Variants in TIAM2 observed in about 807,000 individuals in gnomAD.
TIAM2 encodes the protein TIAM Rac1 associated GEF 2.
Under a neutral mutation model 152.9 loss-of-function variants are expected in TIAM2, and 80 were observed. The observed-to-expected ratio is 0.52, with a 90% CI of 0.44 to 0.63. The LOEUF is 0.63. Among genes scored for constraint, TIAM2 ranks in the 30% least tolerant of loss-of-function variants. TIAM2 has a pLI of 0.00. For missense variants in TIAM2, 1,965 were observed against 2,120.1 expected (o/e 0.93, Z 1.44); for synonymous variants, 804 against 838.0 (o/e 0.96, Z 0.70).
chr6:155,091,513 T>C (rs1187769102), intron 2 of TIAM2, among the ~76,000 whole-genome samples: 5 of 152,238 alleles, frequency 3.3e-5, no homozygotes, highest in African/African-American at 1.2e-4. Flanking sequence ...TTAAAAGGTT[T>C]GTCTGTTTAA....
intron 2 of TIAM2, among the ~76,000 whole-genome samples, chr6:155,125,702 A>T (rs1779276908): frequency 6.6e-6 from 1 of 151,832 alleles, no homozygotes; most frequent in Admixed American, 6.6e-5. Flanking sequence ...ATCTGGTGCA[A>T]TGGTGCGCGC....
intron 14 of TIAM2, among the ~76,000 whole-genome samples, chr6:155,197,026 G>T (rs1781361819): frequency 6.6e-6 from 1 of 152,200 alleles, no homozygotes; most frequent in South Asian, 2.1e-4. Context: ...AAATTATTGT[G>T]TATCTTCTGT....
intron 1 of TIAM2, among the ~76,000 whole-genome samples, chr6:155,067,267 G>A (rs1159486262): frequency 6.6e-6 from 1 of 152,056 alleles, no homozygotes; most frequent in Non-Finnish European, 1.5e-5. Flanking sequence ...TTTTGTGACT[G>A]TCCCTCCTAC....
At chr6:155,039,983 A>G (rs1199418801) in intron 1 of TIAM2, among the ~76,000 whole-genome samples, 1 of 152,224 alleles carries the variant, frequency 6.6e-6, no homozygotes, top group Non-Finnish European at 1.5e-5. Flanking sequence ...TCCAAACTTC[A>G]ATTTGGCAAT....
chr6:155,111,815 CTG>C (rs1778858059), intron 2 of TIAM2, among the ~76,000 whole-genome samples: 1 of 152,266 alleles, frequency 6.6e-6, no homozygotes, highest in Non-Finnish European at 1.5e-5. Context: ...TTTGATCCCT[CTG>C]TCCTTCCCGC....
At chr6:155,254,740 T>C in intron 26 of TIAM2, 167 bp downstream of exon 26, 1 of 802,656 alleles carries the variant, frequency 1.2e-6, no homozygotes. Flanking sequence ...GACGTTCTAC[T>C]GTAAAATACA....
intron 6 of TIAM2, 27 bp downstream of exon 6, chr6:155,144,805 G>T: frequency 3.1e-6 from 5 of 1,588,662 alleles, no homozygotes; most frequent in Non-Finnish European, 3.4e-6. Context: ...GTAAGTGGAG[G>T]TAATAGCTTA....
At chr6:155,143,665 A>G (rs889836018) in intron 5 of TIAM2, among the ~76,000 whole-genome samples, 2 of 152,022 alleles carry the variant, frequency 1.3e-5, no homozygotes, top group African/African-American at 4.8e-5. Context: ...TGAGTGTGGG[A>G]TTTTCTGTGG....
At chr6:155,087,285 G>A (rs1367657322) in intron 1 of TIAM2, among the ~76,000 whole-genome samples, 1 of 152,098 alleles carries the variant, frequency 6.6e-6, no homozygotes, top group Non-Finnish European at 1.5e-5. Context: ...TATTATCATT[G>A]GAAACATTAA....
At position 155,109,761 on chromosome 6, in the gene TIAM2, C is replaced by T. The variant is rs372558045; in HGVS notation, c.-117-17729C>T. Among the ~76,000 whole-genome samples, 85 of 152,128 alleles carry T rather than the reference C, an allele frequency of 5.6e-4. 2 individuals carry two copies. The highest frequency in any genetic ancestry group is 1.9e-3 in the African/African-American group (79 of 41,504). On this transcript the variant is annotated intron_variant, in intron 2 of 26. Coordinates refer to ENST00000682666, the MANE Select transcript of TIAM2 (RefSeq NM_012454.4). ...AACCACAGAACTGAAGCGACTTGTC[C>T]GAAGCCACAGAGATGGTTAGTTACC...
intron 6 of TIAM2, among the ~76,000 whole-genome samples, chr6:155,145,322 A>G (rs750242465): frequency 5.9e-5 from 9 of 152,184 alleles, no homozygotes; most frequent in Non-Finnish European, 1.3e-4. Context: ...GAGATGTTGT[A>G]GAACATGGCG....
chr6:155,110,966 A>T (rs918999440), intron 2 of TIAM2, among the ~76,000 whole-genome samples: 1 of 152,132 alleles, frequency 6.6e-6, no homozygotes, highest in Non-Finnish European at 1.5e-5. Flanking sequence ...CTTGACCCTG[A>T]CCCATCTCTA....
At position 155,188,973 on chromosome 6, in the gene TIAM2, T is replaced by C. The variant is rs181940708; in HGVS notation, c.3064+5473T>C. ...GGTAATTGCAGCCTGAGGTTCTTTT[T>C]TTAGCCTCCACGCCCCCTTTGAATC... On this transcript the variant is annotated intron_variant, in intron 14 of 26. Transcript: ENST00000682666. Among the ~76,000 whole-genome samples the C allele has an allele frequency of 5.5e-3, 832 of 152,340 alleles. 5 individuals carry two copies. The highest frequency in any genetic ancestry group is 0.01 in the Admixed American group (159 of 15,296).
chr6:155,212,781 G>C (rs902874450), intron 15 of TIAM2, among the ~76,000 whole-genome samples: 1 of 152,152 alleles, frequency 6.6e-6, no homozygotes, highest in Non-Finnish European at 1.5e-5. Flanking sequence ...GTGGTGAGGG[G>C]TGTGTCAGTG....
chr6:155,177,023 A>G, intron 10 of TIAM2, 46 bp downstream of exon 10: 3 of 1,569,602 alleles, frequency 1.9e-6, no homozygotes, highest in Non-Finnish European at 2.6e-6. Flanking sequence ...AGAAATAATC[A>G]TTAATGTTGC....
At chr6:155,147,579 A>T (rs2115064385) in intron 6 of TIAM2, among the ~76,000 whole-genome samples, 1 of 152,100 alleles carries the variant, frequency 6.6e-6, no homozygotes, top group Non-Finnish European at 1.5e-5. Context: ...TCCGCCTCCC[A>T]GGTCAAAGTG....
At chr6:155,123,499 T>C (rs1311899940) in intron 2 of TIAM2, among the ~76,000 whole-genome samples, 5 of 152,182 alleles carry the variant, frequency 3.3e-5, no homozygotes, top group Admixed American at 2.6e-4. Flanking sequence ...CAGCATCCAG[T>C]AGAGGATGGG....
At position 155,183,334 on chromosome 6, in the gene TIAM2, C is replaced by T. The variant is rs371630758; in HGVS notation, c.2898C>T (p.Val966=). The T allele has an allele frequency of 5.6e-5, 91 of 1,614,182 alleles. No individual in the cohort carries two copies. The highest frequency in any genetic ancestry group is 8.8e-5 in the South Asian group (8 of 91,076). The change falls in exon 14 of 27, where the codon GTC becomes GTT. Residue 966 remains valine, a synonymous_variant. Coordinates refer to ENST00000682666, the MANE Select transcript of TIAM2 (RefSeq NM_012454.4). ...QMEALFSEKS[V]GLTLIARPPD... The stretch of plus-strand genomic sequence containing the variant: ...AGGCCCTGTTTTCTGAGAAGAGCGT[C>T]GGACTCACTCTGATTGCCCGGCCTC...
At chr6:155,172,669 TA>T (rs1562341144) in intron 9 of TIAM2, among the ~76,000 whole-genome samples, 134 of 9,566 alleles carry the variant, frequency 0.014, no homozygotes, top group Non-Finnish European at 0.017. Flanking sequence ...TATATATATA[TA>T]TATATATATA....
Sources: gnomAD v4.1 joint callset for allele counts (sites outside exome capture counted in the v4.1 genomes callset) on GRCh38, gnomAD v4.1.1 for gene constraint, MANE v1.5 for transcripts, NCBI Gene and HGNC (gene_info 2026-07-23, HGNC 2026-07-21) for gene names.